Variants in ITFG1 observed in about 807,000 individuals in gnomAD.
The protein encoded by ITFG1 is integrin alpha FG-GAP repeat containing 1.
Under a neutral mutation model 81.8 loss-of-function variants are expected in ITFG1, and 34 were observed. That is an observed-to-expected ratio of 0.42 (90% confidence interval 0.32 to 0.55). The LOEUF (loss-of-function observed/expected upper bound fraction) is 0.55. ITFG1 is among the 20% of genes least tolerant of loss of function. The probability of loss-of-function intolerance (pLI) is 0.17; values close to 1 mark genes in which losing one functional copy is unlikely to be tolerated. For synonymous variants in ITFG1, 285 were observed against 270.6 expected (o/e 1.05, Z -0.52); for missense variants, 672 against 755.4 (o/e 0.89, Z 1.29).
At chr16:47,338,655 CTTTT>C (rs879271028) in intron 8 of ITFG1, among the ~76,000 whole-genome samples, 2 of 141,816 alleles carry the variant, frequency 1.4e-5, no homozygotes, top group Non-Finnish European at 3.1e-5. Context: ...AAAAACTTTA[CTTTT>C]TTTTTTTTTT....
chr16:47,375,098 C>T lies in ITFG1; in HGVS notation c.720+778G>A, dbSNP rs1176084804. ...ACCTAAAATTAAAATTCGATAAATG[C>T]CTACTGCATGTCAGGCATGTTACAC... On this transcript the variant is annotated intron_variant, in intron 7 of 17. Coordinates refer to ENST00000320640, the MANE Select transcript of ITFG1 (RefSeq NM_030790.5). 2.0e-5 allele frequency among the ~76,000 whole-genome samples: 3 copies of T among 152,198 alleles called. No individual in the cohort carries two copies. In the East Asian group the frequency reaches 5.8e-4, roughly 29 times the overall value.
chr16:47,234,726 C>T (rs1965854585), intron 13 of ITFG1, among the ~76,000 whole-genome samples: 2 of 152,010 alleles, frequency 1.3e-5, no homozygotes, highest in Admixed American at 1.3e-4. Context: ...TTTAAAAAAG[C>T]TCATTTGAGG....
chr16:47,192,806 G>C (rs1428695011), intron 14 of ITFG1, among the ~76,000 whole-genome samples: 1 of 152,150 alleles, frequency 6.6e-6, no homozygotes, highest in African/African-American at 2.4e-5. Flanking sequence ...TACACACACA[G>C]AAACACAAGG....
intron 6 of ITFG1, among the ~76,000 whole-genome samples, chr16:47,390,482 A>T (rs1009773905): frequency 3.3e-5 from 5 of 152,176 alleles, no homozygotes. Context: ...TTATTGAGAT[A>T]GAGTCTTACT....
rs1968078500 is a variant in ITFG1, at chr16:47,359,189, G to A, written c.802+6599C>T. ...CAAAGGCAGGATGCTTTGGACATGCGCTCCTTCATTTATCCATTATCTGTC... is the reference window on the plus strand; with the variant it reads ...CAAAGGCAGGATGCTTTGGACATGCACTCCTTCATTTATCCATTATCTGTC... On this transcript the variant is annotated intron_variant, in intron 8 of 17. Coordinates refer to ENST00000320640, the MANE Select transcript of ITFG1 (RefSeq NM_030790.5). 5.3e-5 allele frequency among the ~76,000 whole-genome samples: 8 copies of A among 152,102 alleles called. 1 individual carries two copies. Among genetic ancestry groups the A allele is most frequent in the Admixed American group, 5.2e-4 (8 of 15,268 alleles).
chr16:47,379,168 G>C (rs1016669952), intron 6 of ITFG1, among the ~76,000 whole-genome samples: 1 of 152,112 alleles, frequency 6.6e-6, no homozygotes, highest in African/African-American at 2.4e-5. Context: ...CACAACTCAG[G>C]ACAACTCTAC....
intron 10 of ITFG1, among the ~76,000 whole-genome samples, chr16:47,290,316 C>T (rs973131302): frequency 6.6e-6 from 1 of 152,112 alleles, no homozygotes; most frequent in African/African-American, 2.4e-5. Flanking sequence ...CTGTAAATGT[C>T]TGTTAGGTCC....
chr16:47,256,454 T>G (rs2151540685), intron 12 of ITFG1, among the ~76,000 whole-genome samples: 1 of 152,332 alleles, frequency 6.6e-6, no homozygotes, highest in Non-Finnish European at 1.5e-5. Context: ...GCAAAAGTTT[T>G]AAGAATTTCT....
At chr16:47,289,526 A>T (rs957825352) in intron 10 of ITFG1, among the ~76,000 whole-genome samples, 11 of 152,148 alleles carry the variant, frequency 7.2e-5, no homozygotes, top group Admixed American at 4.6e-4. Flanking sequence ...AAATCTCATT[A>T]CTTCTAATTG....
intron 13 of ITFG1, among the ~76,000 whole-genome samples, chr16:47,228,502 G>T (rs547961774): frequency 3.3e-5 from 5 of 152,104 alleles, no homozygotes; most frequent in Non-Finnish European, 7.4e-5. Context: ...GATTACAGGC[G>T]TGTGCCACCA....
chr16:47,273,963 C>T (rs1007867226), intron 10 of ITFG1, among the ~76,000 whole-genome samples: 4 of 152,072 alleles, frequency 2.6e-5, no homozygotes, highest in Non-Finnish European at 5.9e-5. Flanking sequence ...CTATGAGATA[C>T]AAGAATTAAT....
chr16:47,346,484 AGG>A (rs895993887), intron 8 of ITFG1, among the ~76,000 whole-genome samples: 21 of 152,340 alleles, frequency 1.4e-4, no homozygotes, highest in African/African-American at 5.0e-4. Flanking sequence ...AGATCAATAA[AGG>A]GAAGAGTTAG....
chr16:47,441,110 C>T (rs1969243602), intron 5 of ITFG1, among the ~76,000 whole-genome samples: 1 of 151,988 alleles, frequency 6.6e-6, no homozygotes, highest in Admixed American at 6.6e-5. Flanking sequence ...ACACATACAC[C>T]CTCCCAAGAC....
At chr16:47,309,672 C>T (rs1049084191) in intron 10 of ITFG1, among the ~76,000 whole-genome samples, 2 of 152,128 alleles carry the variant, frequency 1.3e-5, no homozygotes, top group Non-Finnish European at 2.9e-5. Context: ...TACACAACTG[C>T]TTTTATAATG....
upstream of ITFG1, chr16:47,461,218 G>C (rs1230468848): frequency 4.1e-6 from 4 of 972,254 alleles, no homozygotes; most frequent in Non-Finnish European, 6.0e-6. Context: ...AAAAGCAGTG[G>C]AGCTAGGGTG....
At chr16:47,263,418 A>G in intron 10 of ITFG1, 1 of 451,562 alleles carries the variant, frequency 2.2e-6, no homozygotes, top group South Asian at 1.8e-5. Context: ...GCTAACCTCT[A>G]CCATGTGCAG....
At chr16:47,382,528 T>A (rs114672940) in intron 6 of ITFG1, among the ~76,000 whole-genome samples, 3,350 of 152,090 alleles carry the variant, frequency 0.022, 120 homozygotes, top group African/African-American at 0.076. Context: ...ACACAACAAG[T>A]TACAGAGAGA....
chr16:47,442,582 T>A (rs1033641680), intron 5 of ITFG1, among the ~76,000 whole-genome samples: 2 of 152,124 alleles, frequency 1.3e-5, no homozygotes, highest in African/African-American at 4.8e-5. Flanking sequence ...AACAGAGCCC[T>A]CAGAAATAAT....
intron 6 of ITFG1, among the ~76,000 whole-genome samples, chr16:47,377,901 T>C (rs1968347430): frequency 6.6e-6 from 1 of 152,200 alleles, no homozygotes; most frequent in Admixed American, 6.5e-5. Flanking sequence ...TATATGTATA[T>C]TGTAGTTCTT....
Sources: gnomAD v4.1 joint callset for allele counts (sites outside exome capture counted in the v4.1 genomes callset) on GRCh38, gnomAD v4.1.1 for gene constraint, MANE v1.5 for transcripts, NCBI Gene and HGNC (gene_info 2026-07-23, HGNC 2026-07-21) for gene names.